Variants in CHST8 observed in about 807,000 individuals in gnomAD.
CHST8 encodes carbohydrate sulfotransferase 8.
CHST8 carries 10 observed loss-of-function variants against 15.0 expected under a neutral mutation model. The ratio of observed to expected loss-of-function variants is 0.67; its 90% CI spans 0.41 to 1.13. The LOEUF is 1.13. Among genes scored for constraint, CHST8 ranks in the 50% most tolerant of loss-of-function variants. The pLI is 0.00. For synonymous variants in CHST8, 259 were observed against 256.6 expected (o/e 1.01, Z -0.09); for missense variants, 634 against 608.2 (o/e 1.04, Z -0.45).
chr19:33,697,128 C>A (rs1973233940), intron 3 of CHST8, among the ~76,000 whole-genome samples: 1 of 152,006 alleles, frequency 6.6e-6, no homozygotes, highest in Non-Finnish European at 1.5e-5. Flanking sequence ...CAGGCGGGAA[C>A]CACCTTGCCC....
chr19:33,642,643 G>C (rs917018460), intron 1 of CHST8, among the ~76,000 whole-genome samples: 1 of 152,156 alleles, frequency 6.6e-6, no homozygotes, highest in Admixed American at 6.5e-5. Context: ...GATTACAGGC[G>C]TGAGCCACTG....
At chr19:33,668,306 C>T (rs2145229133) in intron 2 of CHST8, among the ~76,000 whole-genome samples, 1 of 152,258 alleles carries the variant, frequency 6.6e-6, no homozygotes, top group East Asian at 1.9e-4. Flanking sequence ...CCATGCCATG[C>T]ACACTGCCTA....
At chr19:33,684,793 C>T (rs1972946848) in intron 2 of CHST8, 1 of 152,160 alleles carries the variant, frequency 6.6e-6, no homozygotes, top group African/African-American at 2.4e-5. Flanking sequence ...GGCTCAGAGA[C>T]CAGCGCCCGG....
chr19:33,651,286 A>G (rs1600237570), intron 1 of CHST8, among the ~76,000 whole-genome samples: 1 of 152,306 alleles, frequency 6.6e-6, no homozygotes, highest in South Asian at 2.1e-4. Context: ...AATGTTAAAT[A>G]ACAGTGGGCT....
chr19:33,657,144 CACACACACACACAA>C (rs1972518446), intron 1 of CHST8, among the ~76,000 whole-genome samples: 2 of 150,206 alleles, frequency 1.3e-5, no homozygotes, highest in African/African-American at 4.9e-5. Context: ...CACACACACA[CACACACACACACAA>C]ACACACATAT....
At chr19:33,725,640 A>G (rs1446990378) in intron 3 of CHST8, among the ~76,000 whole-genome samples, 3 of 151,492 alleles carry the variant, frequency 2.0e-5, no homozygotes, top group African/African-American at 7.3e-5. Context: ...TCTCCCACCC[A>G]CTCTGGCCTC....
At chr19:33,672,041 G>T (rs1209311845) in intron 2 of CHST8, among the ~76,000 whole-genome samples, 1 of 151,952 alleles carries the variant, frequency 6.6e-6, no homozygotes, top group Admixed American at 6.6e-5. Context: ...GTATATATAT[G>T]TGTGTGCATA....
At chr19:33,632,139 C>CT (rs60403211) in intron 1 of CHST8, among the ~76,000 whole-genome samples, 132 of 138,974 alleles carry the variant, frequency 9.5e-4, no homozygotes, top group East Asian at 6.1e-3. Flanking sequence ...CTCTCTCTCT[C>CT]TTTTTTTTTT....
intron 1 of CHST8, among the ~76,000 whole-genome samples, chr19:33,645,226 A>G (rs1972336567): frequency 6.6e-6 from 1 of 152,130 alleles, no homozygotes; most frequent in Non-Finnish European, 1.5e-5. Context: ...CCCGCTGGAG[A>G]TGAGGCCGTG....
intron 2 of CHST8, among the ~76,000 whole-genome samples, chr19:33,678,466 G>T (rs996458437): frequency 7.2e-5 from 11 of 152,200 alleles, no homozygotes; most frequent in African/African-American, 2.7e-4. Flanking sequence ...TAGAGGTCAA[G>T]ACTGTGAGGG....
intron 3 of CHST8, among the ~76,000 whole-genome samples, chr19:33,741,817 A>G (rs1974199221): frequency 6.6e-6 from 1 of 152,046 alleles, no homozygotes; most frequent in African/African-American, 2.4e-5. Context: ...AAAGGCTGGC[A>G]TTCCCTATGG....
At chr19:33,760,501 T>C (rs1239791500) in intron 3 of CHST8, among the ~76,000 whole-genome samples, 2 of 151,428 alleles carry the variant, frequency 1.3e-5, no homozygotes, top group Non-Finnish European at 2.9e-5. Context: ...TCATTTTTTT[T>C]TAGAGATGGG....
chr19:33,724,706 C>G (rs1973861671), intron 3 of CHST8, among the ~76,000 whole-genome samples: 1 of 152,198 alleles, frequency 6.6e-6, no homozygotes, highest in South Asian at 2.1e-4. Context: ...CCTGCCTTCC[C>G]TTTTCTCCCC....
At chr19:33,697,960 C>G (rs559627444) in intron 3 of CHST8, among the ~76,000 whole-genome samples, 2 of 152,094 alleles carry the variant, frequency 1.3e-5, no homozygotes, top group Admixed American at 6.5e-5. Flanking sequence ...CTGGGGACCC[C>G]GGAGTAGGGA....
In CHST8 at chr19:33,669,568, G is replaced by A. The variant is rs60364435; in HGVS notation, c.-87+1725G>A. Among the ~76,000 whole-genome samples the A allele has an allele frequency of 5.3e-3, 808 of 152,250 alleles. 6 individuals carry two copies. Among genetic ancestry groups the A allele is most frequent in the African/African-American group, 0.019 (770 of 41,544 alleles). ...AGAGAAATTAGCAATGAAGCACCTC[G>A]TCAGGATCCAAAACGCCTGCCACCC... is the stretch of plus-strand genomic sequence containing the variant. On this transcript the variant is annotated intron_variant, in intron 2 of 4. Coordinates refer to ENST00000650847, the MANE Select transcript of CHST8 (RefSeq NM_001127895.2).
chr19:33,653,575 C>A (rs1252931709), intron 1 of CHST8, among the ~76,000 whole-genome samples: 1 of 152,134 alleles, frequency 6.6e-6, no homozygotes, highest in Non-Finnish European at 1.5e-5. Flanking sequence ...TCAATATTAG[C>A]CTTTGAAATG....
chr19:33,707,767 A>G (rs1009872812), intron 3 of CHST8, among the ~76,000 whole-genome samples: 1 of 152,114 alleles, frequency 6.6e-6, no homozygotes, highest in African/African-American at 2.4e-5. Flanking sequence ...TCTTGGGTAA[A>G]TATTTAGGAG....
Position 33,688,402 on chromosome 19 carries a change from C to T in CHST8, c.-86-774C>T, listed in dbSNP as rs139831082. Among the ~76,000 whole-genome samples, 1,447 of 152,272 alleles carry T rather than the reference C, an allele frequency of 9.5e-3. 20 individuals carry two copies. The highest frequency in any genetic ancestry group is 0.033 in the African/African-American group (1,364 of 41,562). ...CAGTTAGTGCCCACCCCCAGGAACA[C>T]GAGGGGGTGTTAGTACCCAGCCTCT... is the stretch of plus-strand genomic sequence containing the variant. On this transcript the variant is annotated intron_variant, in intron 2 of 4. Transcript: ENST00000650847.
chr19:33,747,862 G>T (rs1974343568), intron 3 of CHST8, among the ~76,000 whole-genome samples: 1 of 152,158 alleles, frequency 6.6e-6, no homozygotes. Flanking sequence ...CACAAGGGGG[G>T]TTCCTAGCTC....
Sources: allele counts gnomAD v4.1 joint callset (sites outside exome capture counted in the v4.1 genomes callset), GRCh38; gene constraint gnomAD v4.1.1; transcripts MANE v1.5; gene names NCBI Gene and HGNC (gene_info 2026-07-23, HGNC 2026-07-21).